CFDP1: variants seen among roughly 807,000 people sequenced by gnomAD.
The protein encoded by CFDP1 is heterochromatin-stabilizing protein CFDP1.
Under a neutral mutation model 40.1 loss-of-function variants are expected in CFDP1, and 31 were observed. That is an observed-to-expected ratio of 0.77 (90% CI 0.58 to 1.04). The LOEUF (loss-of-function observed/expected upper bound fraction) is 1.04. CFDP1 is among the 50% of genes least tolerant of loss of function. The pLI is 0.00. For missense variants in CFDP1, 423 were observed against 343.4 expected, an observed-to-expected ratio of 1.23 and a Z score of -1.83; for synonymous variants, 167 against 120.0, an observed-to-expected ratio of 1.39 and a Z score of -2.56.
chr16:75,334,813 G>C (rs541732863), intron 5 of CFDP1, among the ~76,000 whole-genome samples: 1 of 152,254 alleles, frequency 6.6e-6, no homozygotes, highest in South Asian at 2.1e-4. Context: ...AAATTAGCCA[G>C]GTGTGGTGGT....
intron 5 of CFDP1, among the ~76,000 whole-genome samples, chr16:75,349,508 CAAAAAAAGA>C (rs2078593314): frequency 2.1e-5 from 3 of 144,792 alleles, no homozygotes; most frequent in South Asian, 2.2e-4. Flanking sequence ...GACTCTGTCT[CAAAAAAAGA>C]AAAAAAAGAA....
At position 75,387,452 on chromosome 16, in the gene CFDP1, G is replaced by A. The variant is rs368453237; in HGVS notation, c.650+7638C>T. Among the ~76,000 whole-genome samples the A allele has an allele frequency of 3.9e-5, 6 of 152,180 alleles. No individual in the cohort carries two copies. In the East Asian group the frequency reaches 1.2e-3, roughly 29 times the overall value. ...CACTGCGCCCGGCCAGGGTATTCTTGCTTCTACACAAACCATGTCATTCTG... is the reference window on the plus strand; with the variant it reads ...CACTGCGCCCGGCCAGGGTATTCTTACTTCTACACAAACCATGTCATTCTG... On this transcript the variant is annotated intron_variant, in intron 5 of 6. Coordinates refer to ENST00000283882, the MANE Select transcript of CFDP1 (RefSeq NM_006324.3).
chr16:75,297,817 T>C (rs2078194736), intron 6 of CFDP1, among the ~76,000 whole-genome samples: 1 of 152,192 alleles, frequency 6.6e-6, no homozygotes, highest in African/African-American at 2.4e-5. Flanking sequence ...CCCAAATTAT[T>C]TATCTGCCAC....
At chr16:75,326,268 TAG>T (rs779664888) in intron 5 of CFDP1, among the ~76,000 whole-genome samples, 8 of 152,194 alleles carry the variant, frequency 5.3e-5, no homozygotes, top group Non-Finnish European at 7.3e-5. Flanking sequence ...TTTGGAGGGC[TAG>T]TTTTAAAGTC....
intron 5 of CFDP1, among the ~76,000 whole-genome samples, chr16:75,344,603 T>A (rs1331343268): frequency 6.6e-6 from 1 of 152,150 alleles, no homozygotes; most frequent in Non-Finnish European, 1.5e-5. Flanking sequence ...AAGGGACTAA[T>A]AACCCTTACA....
chr16:75,367,782 C>G (rs35409574), intron 5 of CFDP1, among the ~76,000 whole-genome samples: 71,893 of 134,320 alleles, frequency 0.54, 19,694 homozygotes, highest in Admixed American at 0.65. Context: ...GACAGAGTGA[C>G]ACTCCATCTC....
intron 5 of CFDP1, among the ~76,000 whole-genome samples, chr16:75,333,211 C>T (rs2078460582): frequency 6.6e-6 from 1 of 151,394 alleles, no homozygotes; most frequent in Non-Finnish European, 1.5e-5. Flanking sequence ...GCAAGCTCTG[C>T]CTCCCAGGTT....
chr16:75,387,560 T>A (rs2078909986), intron 5 of CFDP1, among the ~76,000 whole-genome samples: 2 of 152,170 alleles, frequency 1.3e-5, no homozygotes, highest in South Asian at 2.1e-4. Flanking sequence ...TCCTGAAACA[T>A]CCTATTAAAA....
At chr16:75,305,617 G>A (rs2078251586) in intron 5 of CFDP1, among the ~76,000 whole-genome samples, 1 of 152,138 alleles carries the variant, frequency 6.6e-6, no homozygotes, top group Non-Finnish European at 1.5e-5. Flanking sequence ...CACAGGCTGT[G>A]GTGTATCTTA....
chr16:75,389,455 A>T (rs548455030), intron 5 of CFDP1, among the ~76,000 whole-genome samples: 1 of 152,360 alleles, frequency 6.6e-6, no homozygotes, highest in East Asian at 1.9e-4. Flanking sequence ...TTTTAAACAC[A>T]TGGAGGAAAT....
At chr16:75,369,442 G>A (rs2078737262) in intron 5 of CFDP1, among the ~76,000 whole-genome samples, 1 of 151,876 alleles carries the variant, frequency 6.6e-6, no homozygotes, top group Non-Finnish European at 1.5e-5. Context: ...CCCGCACACT[G>A]CTATACAGAA....
chr16:75,365,728 A>G (rs555530723), intron 5 of CFDP1, among the ~76,000 whole-genome samples: 8 of 152,152 alleles, frequency 5.3e-5, no homozygotes, highest in Admixed American at 1.3e-4. Flanking sequence ...CAAACAAAAA[A>G]CCAAAGAAGA....
At chr16:75,331,478 A>G (rs1431593268) in intron 5 of CFDP1, among the ~76,000 whole-genome samples, 1 of 152,164 alleles carries the variant, frequency 6.6e-6, no homozygotes, top group African/African-American at 2.4e-5. Context: ...GTATACCCCT[A>G]TGTAACTCAT....
At position 75,306,887 on chromosome 16, in the gene CFDP1, ACACACACACACACACG is replaced by A. The variant is rs540299193; in HGVS notation, c.651-1721_651-1706del. On this transcript the variant is annotated intron_variant, in intron 5 of 6. Coordinates refer to ENST00000283882, the MANE Select transcript of CFDP1 (RefSeq NM_006324.3). ...CATATGTGCGCGTGATCACACACAC[ACACACACACACACACG>A]CACACACACACACTTTCTTTTTCAC... Among the ~76,000 whole-genome samples the A allele has an allele frequency of 6.7e-3, 976 of 144,716 alleles. 7 individuals are homozygous for A. Among genetic ancestry groups the A allele is most frequent in the Middle Eastern group, 0.018 (5 of 282 alleles). The allele number at this position is 144,716 out of a possible 152,430, so 94.9% of individuals were successfully genotyped here.
chr16:75,315,516 C>A (rs1398401741), intron 5 of CFDP1, among the ~76,000 whole-genome samples: 1 of 151,882 alleles, frequency 6.6e-6, no homozygotes, highest in East Asian at 1.9e-4. Flanking sequence ...TACAAGAATT[C>A]CAGTATGGTC....
intron 5 of CFDP1, among the ~76,000 whole-genome samples, chr16:75,392,176 G>C (rs150888719): frequency 5.3e-5 from 8 of 151,768 alleles, no homozygotes. Flanking sequence ...GAGGCTGAAG[G>C]GGGTGGATCA....
intron 4 of CFDP1, among the ~76,000 whole-genome samples, chr16:75,407,689 T>C (rs1164260686): frequency 2.7e-5 from 4 of 149,558 alleles, no homozygotes; most frequent in South Asian, 4.2e-4. Flanking sequence ...AAAGAATTCA[T>C]GTATAGGAAA....
intron 5 of CFDP1, among the ~76,000 whole-genome samples, chr16:75,323,616 A>C (rs2078381709): frequency 6.6e-6 from 1 of 152,056 alleles, no homozygotes; most frequent in South Asian, 2.1e-4. Flanking sequence ...CCCGATCTCT[A>C]CTGAAAATAC....
intron 5 of CFDP1, among the ~76,000 whole-genome samples, chr16:75,319,113 G>C (rs544329876): frequency 1.3e-5 from 2 of 151,984 alleles, no homozygotes; most frequent in Non-Finnish European, 2.9e-5. Context: ...GAGCGATCTC[G>C]GCTCACTGCA....
Sources: allele counts gnomAD v4.1 joint callset (sites outside exome capture counted in the v4.1 genomes callset), GRCh38; gene constraint gnomAD v4.1.1; transcripts MANE v1.5; gene names NCBI Gene and HGNC (gene_info 2026-07-23, HGNC 2026-07-21).